Variants in KLHL29 observed in about 807,000 individuals in gnomAD.
KLHL29 encodes kelch-like protein 29.
KLHL29 carries 21 observed loss-of-function variants against 80.4 expected under a neutral mutation model. That is an observed-to-expected ratio of 0.26 (90% CI 0.19 to 0.38). The LOEUF is 0.38. Among genes scored for constraint, KLHL29 ranks in the 10% least tolerant of loss-of-function variants. KLHL29 has a pLI of 1.00. For synonymous variants in KLHL29, 511 were observed against 526.8 expected, an observed-to-expected ratio of 0.97 and a Z score of 0.41; for missense variants, 867 against 1,223.9, an observed-to-expected ratio of 0.71 and a Z score of 4.35.
At chr2:23,642,253 G>T (rs889562783) in intron 4 of KLHL29, 85 bp from the exon 5 acceptor site, 2 of 1,257,268 alleles carry the variant, frequency 1.6e-6, no homozygotes, top group African/African-American at 3.0e-5. Context: ...CTGTGACCTA[G>T]CACCCAGTGC....
intron 1 of KLHL29, among the ~76,000 whole-genome samples, chr2:23,441,200 A>G (rs1663507099): frequency 6.6e-6 from 1 of 151,988 alleles, no homozygotes; most frequent in Admixed American, 6.6e-5. Context: ...GAAATTGGAA[A>G]TCATCATTCT....
intron 1 of KLHL29, among the ~76,000 whole-genome samples, chr2:23,426,151 G>A (rs116106219): frequency 6.6e-5 from 10 of 152,256 alleles, no homozygotes; most frequent in Non-Finnish European, 1.0e-4. Context: ...TGTGGGAAGC[G>A]GGGAGGAGGG....
chr2:23,420,819 T>C (rs1383789371), intron 1 of KLHL29, among the ~76,000 whole-genome samples: 1 of 152,066 alleles, frequency 6.6e-6, no homozygotes, highest in Non-Finnish European at 1.5e-5. Context: ...GGTGGGGCAG[T>C]CACTATGAGT....
At chr2:23,555,217 A>G (rs535632700) in intron 2 of KLHL29, among the ~76,000 whole-genome samples, 2 of 151,626 alleles carry the variant, frequency 1.3e-5, no homozygotes, top group Non-Finnish European at 2.9e-5. Flanking sequence ...GGAGCTGTGC[A>G]TGTTTGCAGA....
At chr2:23,433,107 C>T (rs1437124594) in intron 1 of KLHL29, among the ~76,000 whole-genome samples, 1 of 152,202 alleles carries the variant, frequency 6.6e-6, no homozygotes, top group Non-Finnish European at 1.5e-5. Context: ...CTGGCCGGTG[C>T]CCCTTCTGGT....
At chr2:23,444,170 A>G (rs2103417063) in intron 1 of KLHL29, among the ~76,000 whole-genome samples, 1 of 152,280 alleles carries the variant, frequency 6.6e-6, no homozygotes, top group South Asian at 2.1e-4. Context: ...CCTCTTAGGC[A>G]CTAGGGATGC....
chr2:23,579,282 T>C (rs927418128), intron 3 of KLHL29, among the ~76,000 whole-genome samples: 3 of 152,232 alleles, frequency 2.0e-5, no homozygotes, highest in African/African-American at 7.2e-5. Flanking sequence ...CGTGGTATTA[T>C]GGAAACGGGG....
chr2:23,458,567 ATAAAT>A lies in KLHL29; in HGVS notation c.-153-16990_-153-16986del, dbSNP rs375329134. Among the ~76,000 whole-genome samples, 667 of 152,346 alleles carry A rather than the reference ATAAAT, an allele frequency of 4.4e-3. 9 individuals carry two copies. The highest frequency in any genetic ancestry group is 0.015 in the African/African-American group (643 of 41,568). ...AGAAATTAATCATATAATCACAAAC[ATAAAT>A]TATAATTATGAACACGTGTTCTCAT... On this transcript the variant is annotated intron_variant, in intron 1 of 13. Transcript: ENST00000486442.
At chr2:23,616,904 A>T (rs950384490) in intron 3 of KLHL29, 2 of 152,244 alleles carry the variant, frequency 1.3e-5, no homozygotes, top group Non-Finnish European at 2.9e-5. Context: ...ACAAAGGGGC[A>T]TCCTGCCTTG....
chr2:23,386,246 T>TG (rs1666180051), intron 1 of KLHL29, among the ~76,000 whole-genome samples: 1 of 151,956 alleles, frequency 6.6e-6, no homozygotes, highest in Non-Finnish European at 1.5e-5. Flanking sequence ...CACTGTCCTT[T>TG]GGGGAGGTGC....
intron 3 of KLHL29, among the ~76,000 whole-genome samples, chr2:23,592,784 C>G (rs1429963635): frequency 4.6e-5 from 7 of 152,326 alleles, no homozygotes; most frequent in South Asian, 2.1e-4. Flanking sequence ...TTGAAGCAAA[C>G]AGACCATCTC....
At chr2:23,640,642 T>C (rs1244104982) in intron 4 of KLHL29, among the ~76,000 whole-genome samples, 1 of 152,216 alleles carries the variant, frequency 6.6e-6, no homozygotes, top group East Asian at 1.9e-4. Flanking sequence ...TTTGTTGGCT[T>C]CCAGTTCTCC....
intron 2 of KLHL29, among the ~76,000 whole-genome samples, chr2:23,497,075 CTA>C (rs1665289461): frequency 6.9e-6 from 1 of 145,826 alleles, no homozygotes; most frequent in East Asian, 2.1e-4. Context: ...AAAAAAAAAA[CTA>C]TGAGCCCTTT....
At chr2:23,408,900 G>C (rs1206191794) in intron 1 of KLHL29, among the ~76,000 whole-genome samples, 1 of 152,148 alleles carries the variant, frequency 6.6e-6, no homozygotes, top group African/African-American at 2.4e-5. Context: ...ATCCCTCCTT[G>C]TAGGCCTCCC....
intron 1 of KLHL29, among the ~76,000 whole-genome samples, chr2:23,468,038 T>C (rs1664399584): frequency 6.6e-6 from 1 of 151,976 alleles, no homozygotes; most frequent in Non-Finnish European, 1.5e-5. Flanking sequence ...ATTATAATGG[T>C]TATTGCTGCC....
rs890112443 is a variant in KLHL29 at position 23,639,359 on chromosome 2, T to A, written c.427+79T>A. The A allele has an allele frequency of 9.9e-6, 14 of 1,413,958 alleles. No individual in the cohort carries two copies. In the African/African-American group the frequency reaches 2.0e-4, roughly 21 times the overall value. The allele number at this position is 1,413,958 out of a possible 1,614,324, so 87.6% of individuals were successfully genotyped here. ...CTAGAGGCTTCCTGGGGACCCCAAC[T>A]CCTGCACAGCAGGTCTTGAACCCAG... On this transcript the variant is annotated intron_variant, in intron 4 of 13. Transcript: ENST00000486442.
intron 5 of KLHL29, among the ~76,000 whole-genome samples, chr2:23,674,406 C>T (rs1572486440): frequency 6.6e-6 from 1 of 152,176 alleles, no homozygotes. Context: ...ACATGGTCAG[C>T]TGCTCCAGGG....
At chr2:23,591,252 G>A (rs13034826) in intron 3 of KLHL29, among the ~76,000 whole-genome samples, 9,551 of 152,192 alleles carry the variant, frequency 0.063, 450 homozygotes, top group Non-Finnish European at 0.093. Flanking sequence ...CGGTGCCCTT[G>A]GGGCAATTTA....
rs72778303 is a variant in KLHL29, at chr2:23,489,532, G to T, written c.-46+13865G>T. On this transcript the variant is annotated intron_variant, in intron 2 of 13. Transcript: ENST00000486442. The stretch of plus-strand genomic sequence containing the variant: ...AGCAGGGTGAGTCAGAAGTCCTTGC[G>T]TACCTCCTGCCACGCTGAAGTCATT... Among the ~76,000 whole-genome samples, 1,272 of 152,184 alleles carry T rather than the reference G, an allele frequency of 8.4e-3. 11 individuals are homozygous for T. The highest frequency in any genetic ancestry group is 0.014 in the Middle Eastern group (4 of 294).
Sources: gnomAD v4.1 joint callset for allele counts (sites outside exome capture counted in the v4.1 genomes callset) on GRCh38, gnomAD v4.1.1 for gene constraint, MANE v1.5 for transcripts, NCBI Gene and HGNC (gene_info 2026-07-23, HGNC 2026-07-21) for gene names.